The following NOD2 variants were observed in gnomAD, a reference collection of about 807,000 sequenced individuals.
NOD2 encodes the protein nucleotide binding oligomerization domain containing 2, also known as nucleotide-binding oligomerization domain-containing protein 2.
A neutral mutation model predicts 90.9 loss-of-function variants in NOD2; 86 were observed. That is an observed-to-expected ratio of 0.95 (90% CI 0.79 to 1.13). The LOEUF is 1.13. Among genes scored for constraint, NOD2 ranks in the 50% most tolerant of loss-of-function variants. The pLI is 0.00. For missense variants in NOD2, 1,238 were observed against 1,283.8 expected (o/e 0.96, Z 0.55); for synonymous variants, 581 against 554.6 (o/e 1.05, Z -0.67).
At chr16:50,696,388 T>C (rs1237961803) in intron 1 of NOD2, 1 of 152,140 alleles carries the variant, frequency 6.6e-6, no homozygotes, top group Non-Finnish European at 1.5e-5. Flanking sequence ...GGGAGGACAA[T>C]GGTGTCTTTG....
intron 2 of NOD2, among the ~76,000 whole-genome samples, chr16:50,704,703 A>G (rs1276433457): frequency 6.6e-6 from 1 of 151,944 alleles, no homozygotes; most frequent in Non-Finnish European, 1.5e-5. Context: ...CCTTTAGTAG[A>G]GATGGGGTTT....
chr16:50,716,844 T>TC (rs986700757), intron 5 of NOD2, 47 bp from the exon 6 acceptor site: 29 of 1,582,988 alleles, frequency 1.8e-5, no homozygotes, highest in Non-Finnish European at 2.3e-5. Context: ...GTGCTCACTG[T>TC]CCAATGTGCT....
At chr16:50,708,492 T>G (rs1406851722) in intron 3 of NOD2, among the ~76,000 whole-genome samples, 2 of 152,216 alleles carry the variant, frequency 1.3e-5, no homozygotes, top group East Asian at 3.9e-4. Flanking sequence ...GTCTACCCTT[T>G]GCAACAACCC....
At chr16:50,709,310 A>G (rs943382471) in intron 3 of NOD2, among the ~76,000 whole-genome samples, 1 of 152,160 alleles carries the variant, frequency 6.6e-6, no homozygotes, top group Non-Finnish European at 1.5e-5. Context: ...TCAGAGCTCT[A>G]TGAAAATTAC....
chr16:50,729,822 T>C lies in NOD2; in HGVS notation c.2890T>C (p.Ser964Pro). ...KNSSLKILKL[S>P]NNCITYLGAE... The stretch of plus-strand genomic sequence containing the variant: ...CCATTGTATCTTCTTTTCCAGGTTG[T>C]CCAATAACTGCATCACCTACCTAGG... Residue 964 changes from serine (S) to proline (P), a missense_variant, in exon 11 of 12, where the codon TCC (serine) becomes CCC (proline). Physicochemically the swap from Ser to Pro is moderately conservative, Grantham distance 74. Transcript: ENST00000647318. 1 of 1,611,948 alleles carries C rather than the reference T, an allele frequency of 6.2e-7. No homozygotes were observed. The highest frequency in any genetic ancestry group is 1.1e-5 in the South Asian group (1 of 91,018).
chr16:50,716,714 G>A (rs1055975183), intron 5 of NOD2, 44 bp downstream of exon 5: 41 of 1,587,648 alleles, frequency 2.6e-5, no homozygotes, highest in Non-Finnish European at 3.3e-5. Flanking sequence ...AAGTGCCCTG[G>A]TCTCACCCCA....
intron 7 of NOD2, among the ~76,000 whole-genome samples, chr16:50,720,961 C>T (rs955891123): frequency 5.9e-5 from 9 of 152,078 alleles, no homozygotes; most frequent in Admixed American, 2.6e-4. Flanking sequence ...CCCACCACCA[C>T]GCCCAGCTAA....
At chr16:50,717,866 G>A (rs1336758074) in intron 6 of NOD2, among the ~76,000 whole-genome samples, 1 of 152,240 alleles carries the variant, frequency 6.6e-6, no homozygotes, top group Non-Finnish European at 1.5e-5. Flanking sequence ...GGCCAACACA[G>A]TAGTCCTCCG....
At chr16:50,696,656 A>G (rs1333207793) in intron 1 of NOD2, among the ~76,000 whole-genome samples, 1 of 152,236 alleles carries the variant, frequency 6.6e-6, no homozygotes, top group South Asian at 2.1e-4. Flanking sequence ...GAACAGCACT[A>G]AGGCCAGGTT....
intron 2 of NOD2, among the ~76,000 whole-genome samples, chr16:50,704,680 C>T (rs538171491): frequency 2.6e-5 from 4 of 152,172 alleles, no homozygotes; most frequent in Admixed American, 6.5e-5. Flanking sequence ...ATTACAGGCA[C>T]CCACCACCAC....
chr16:50,729,963 G>C (rs996554249), intron 11 of NOD2, 62 bp downstream of exon 11: 2 of 1,249,828 alleles, frequency 1.6e-6, no homozygotes, highest in African/African-American at 3.0e-5. Context: ...TCTGTAAAAT[G>C]GGGTGACGGG....
intron 11 of NOD2, 98 bp from the exon 12 acceptor site, chr16:50,731,649 C>T: frequency 3.5e-6 from 3 of 858,578 alleles, no homozygotes; most frequent in Middle Eastern, 4.6e-4. Flanking sequence ...GAGAGTCAGC[C>T]CATCCCAGGC....
At chr16:50,709,998 C>T (rs1289992104) in intron 3 of NOD2, 1 of 455,968 alleles carries the variant, frequency 2.2e-6, no homozygotes, top group Admixed American at 2.3e-5. Flanking sequence ...GTATGGTGGA[C>T]CCAGGTTTTC....
intron 3 of NOD2, 75 bp downstream of exon 3, chr16:50,708,035 C>A: frequency 1.9e-6 from 2 of 1,028,958 alleles, no homozygotes; most frequent in Non-Finnish European, 3.1e-6. Flanking sequence ...CAGAACACAC[C>A]TCGGTTAACA....
chr16:50,694,881 G>C (rs1472294364), intron 1 of NOD2, among the ~76,000 whole-genome samples: 2 of 152,152 alleles, frequency 1.3e-5, no homozygotes, highest in African/African-American at 4.8e-5. Context: ...CAGGTGGCGG[G>C]AAGTACTACG....
chr16:50,697,432 C>G (rs1348954806), intron 1 of NOD2: 2 of 1,028,044 alleles, frequency 1.9e-6, no homozygotes, highest in African/African-American at 3.2e-5. Context: ...TGTTTCTGGG[C>G]TGTTTTCTGG....
intron 8 of NOD2, among the ~76,000 whole-genome samples, 199 bp from the exon 9 acceptor site, chr16:50,723,098 AAAAG>A (rs1187618488): frequency 1.3e-5 from 2 of 151,708 alleles, no homozygotes; most frequent in Non-Finnish European, 2.9e-5. Flanking sequence ...AAAAAAAAAA[AAAAG>A]AGCACTGCAT....
Position 50,711,811 on chromosome 16 carries a change from AGGCCAGGCAACTCACCAAT to A in NOD2, c.1828_1846del (p.Asn610SerfsTer120), listed in dbSNP as rs745991254. On this transcript the variant is annotated frameshift_variant, in exon 4 of 12. Transcript: ENST00000647318. LOFTEE classifies it high-confidence loss of function. ...GCTCAGACACCTCTTCAATTGTGGC[AGGCCAGGCAACTCACCAAT>A]GGCCAGGCTCCTGCCCACGATGTGC... The A allele has an allele frequency of 1.3e-5, 21 of 1,614,182 alleles. No homozygotes were observed. The highest frequency in any genetic ancestry group is 1.6e-4 in the Middle Eastern group (1 of 6,062).
intron 2 of NOD2, 25 bp from the exon 3 acceptor site, chr16:50,707,830 A>C: frequency 1.3e-6 from 2 of 1,549,350 alleles, no homozygotes; most frequent in Middle Eastern, 3.4e-4. Flanking sequence ...TCCTGGAAGA[A>C]TAATGTCTTC....
Sources: allele counts gnomAD v4.1 joint callset (sites outside exome capture counted in the v4.1 genomes callset), GRCh38; gene constraint gnomAD v4.1.1; transcripts MANE v1.5; gene names NCBI Gene and HGNC (gene_info 2026-07-23, HGNC 2026-07-21).